The following FNDC3B variants were observed in gnomAD, a reference collection of about 807,000 sequenced individuals.
The protein encoded by FNDC3B is fibronectin type III domain containing 3B.
FNDC3B carries 12 observed loss-of-function variants against 151.5 expected under a neutral mutation model. The ratio of observed to expected loss-of-function variants is 0.08; its 90% CI spans 0.05 to 0.13. The LOEUF is 0.13. Ranked by LOEUF, FNDC3B falls within the 10% of genes least tolerant of loss-of-function variation. The pLI is 1.00. For synonymous variants in FNDC3B, 528 were observed against 549.0 expected (o/e 0.96, Z 0.54); for missense variants, 1,214 against 1,505.3 (o/e 0.81, Z 3.20).
chr3:172,115,086 A>G (rs568652436), intron 2 of FNDC3B, among the ~76,000 whole-genome samples: 7 of 152,324 alleles, frequency 4.6e-5, no homozygotes, highest in Admixed American at 4.6e-4. Flanking sequence ...TTGCCTCTAC[A>G]TCACTGGGGC....
At chr3:172,214,478 G>C (rs141312584) in intron 3 of FNDC3B, among the ~76,000 whole-genome samples, 225 of 152,230 alleles carry the variant, frequency 1.5e-3, no homozygotes, top group African/African-American at 5.3e-3. Flanking sequence ...CTGAAGTGAT[G>C]ATGAGTGAGT....
At chr3:172,115,786 G>A (rs1720217555) in intron 2 of FNDC3B, among the ~76,000 whole-genome samples, 1 of 152,162 alleles carries the variant, frequency 6.6e-6, no homozygotes, top group African/African-American at 2.4e-5. Flanking sequence ...TTCTGCCTCT[G>A]AATATCTGTT....
At chr3:172,343,973 T>TA (rs1362326697) in intron 18 of FNDC3B, 113 bp from the exon 19 acceptor site, 5 of 882,584 alleles carry the variant, frequency 5.7e-6, no homozygotes, top group Non-Finnish European at 8.9e-6. Context: ...GTAAGGGAGA[T>TA]ACTGAGGCCG....
intron 3 of FNDC3B, among the ~76,000 whole-genome samples, chr3:172,181,926 C>G (rs1046566038): frequency 6.6e-6 from 1 of 150,988 alleles, no homozygotes; most frequent in African/African-American, 2.4e-5. Flanking sequence ...GTTTCCCAGA[C>G]TGCTTGACAA....
chr3:172,107,076 A>G (rs1475431593), intron 1 of FNDC3B, among the ~76,000 whole-genome samples: 2 of 152,118 alleles, frequency 1.3e-5, no homozygotes, highest in Non-Finnish European at 2.9e-5. Flanking sequence ...CTAGAAGGTA[A>G]CCAGTGGCTT....
At chr3:172,228,704 A>G (rs1726718955) in intron 4 of FNDC3B, among the ~76,000 whole-genome samples, 1 of 152,236 alleles carries the variant, frequency 6.6e-6, no homozygotes, top group African/African-American at 2.4e-5. Context: ...ATGCTAGACA[A>G]TATTGGAAGA....
intron 9 of FNDC3B, among the ~76,000 whole-genome samples, chr3:172,300,866 C>T (rs1291003304): frequency 6.6e-6 from 1 of 152,202 alleles, no homozygotes; most frequent in Non-Finnish European, 1.5e-5. Context: ...AGTCTTTGTG[C>T]ACTGCCTAAT....
At position 172,133,521 on chromosome 3, in the gene FNDC3B, G is replaced by A; in HGVS notation, c.162G>A (p.Glu54=). The A allele has an allele frequency of 1.2e-6, 2 of 1,612,974 alleles. No homozygotes were observed. Among genetic ancestry groups the A allele is most frequent in the African/African-American group, 1.3e-5 (1 of 74,992 alleles). ...GTGAGACTTTCACAATAAGAGCAGA[G>A]GATGGAACACTTCAGTGCATTCAAG... ...NPGETFTIRA[E]DGTLQCIQGP... Residue 54 remains glutamate, a synonymous_variant, in exon 3 of 26, where the codon GAG becomes GAA. Transcript: ENST00000415807.
At chr3:172,056,155 T>C (rs1716909572) in intron 1 of FNDC3B, among the ~76,000 whole-genome samples, 1 of 152,062 alleles carries the variant, frequency 6.6e-6, no homozygotes, top group South Asian at 2.1e-4. Context: ...GTGAGTCCAA[T>C]AGAGGGAGGA....
In FNDC3B at chr3:172,119,031, G is replaced by C. The variant is rs145134673; in HGVS notation, c.111+6441G>C. Among the ~76,000 whole-genome samples the C allele has an allele frequency of 3.3e-3, 502 of 151,964 alleles. 2 individuals carry two copies. Among genetic ancestry groups the C allele is most frequent in the African/African-American group, 0.012 (486 of 41,446 alleles). ...AAAATACAAAAAAAATTAGCCAGGCGTGGTGGTGGGCGCCTGTAGTCCCAG... is the reference window on the plus strand; with the variant it reads ...AAAATACAAAAAAAATTAGCCAGGCCTGGTGGTGGGCGCCTGTAGTCCCAG... On this transcript the variant is annotated intron_variant, in intron 2 of 25. Coordinates refer to ENST00000415807, the MANE Select transcript of FNDC3B (RefSeq NM_022763.4).
intron 22 of FNDC3B, 76 bp downstream of exon 22, chr3:172,353,159 A>G: frequency 7.2e-7 from 1 of 1,385,756 alleles, no homozygotes; most frequent in Non-Finnish European, 9.9e-7. Flanking sequence ...GGGGAAAATG[A>G]CCAAGTGGAT....
chr3:172,113,522 A>G (rs560471593), intron 2 of FNDC3B, among the ~76,000 whole-genome samples: 38 of 152,292 alleles, frequency 2.5e-4, no homozygotes, highest in African/African-American at 6.5e-4. Flanking sequence ...GCATTGTACT[A>G]TCAACCTCTT....
chr3:172,202,766 C>T (rs1269311672), intron 3 of FNDC3B, among the ~76,000 whole-genome samples: 1 of 152,118 alleles, frequency 6.6e-6, no homozygotes, highest in Non-Finnish European at 1.5e-5. Context: ...GTCCATGACC[C>T]CTGGAAGAGA....
intron 3 of FNDC3B, among the ~76,000 whole-genome samples, chr3:172,216,998 A>T (rs1726012959): frequency 6.6e-6 from 1 of 152,166 alleles, no homozygotes; most frequent in Non-Finnish European, 1.5e-5. Context: ...GCTGAGATAC[A>T]CAGAAACCTC....
chr3:172,307,576 C>T lies in FNDC3B; in HGVS notation c.1200+75C>T, dbSNP rs940309937. 1.9e-5 allele frequency: 29 copies of T among 1,488,748 alleles called. No individual in the cohort carries two copies. In the Admixed American group the frequency reaches 3.5e-4, roughly 18 times the overall value. 92.2% of individuals were successfully genotyped at this position (1,488,748 alleles called of 1,614,324 possible). A position where few individuals can be genotyped will look rare whatever the true frequency, so the allele number is the denominator to read the frequency against. The stretch of plus-strand genomic sequence containing the variant: ...GTGTGGTGGCAACGTGTTCCTAGTC[C>T]CAGCTACCTGGGAGGCTGAGGAGGG... On this transcript the variant is annotated intron_variant, in intron 10 of 25. Transcript: ENST00000415807.
At chr3:172,083,403 T>G (rs1718379661) in intron 1 of FNDC3B, among the ~76,000 whole-genome samples, 1 of 152,202 alleles carries the variant, frequency 6.6e-6, no homozygotes, top group Non-Finnish European at 1.5e-5. Flanking sequence ...ATCTGCTGCT[T>G]TTATAGCATG....
chr3:172,144,456 C>T (rs1359696529), intron 3 of FNDC3B, among the ~76,000 whole-genome samples: 2 of 152,112 alleles, frequency 1.3e-5, no homozygotes, highest in South Asian at 2.1e-4. Flanking sequence ...GGCAGGCAGG[C>T]GTCGAGCCTG....
intron 11 of FNDC3B, among the ~76,000 whole-genome samples, chr3:172,324,442 A>G (rs1732241558): frequency 1.3e-5 from 2 of 152,166 alleles, no homozygotes; most frequent in African/African-American, 4.8e-5. Flanking sequence ...GCGAAGAGGA[A>G]CACTCAGCTT....
At chr3:172,366,634 A>C (rs1299345996) in intron 23 of FNDC3B, among the ~76,000 whole-genome samples, 1 of 152,234 alleles carries the variant, frequency 6.6e-6, no homozygotes, top group East Asian at 1.9e-4. Context: ...GGGTAATGGT[A>C]GAACACAGAT....
Sources: allele counts gnomAD v4.1 joint callset (sites outside exome capture counted in the v4.1 genomes callset), GRCh38; gene constraint gnomAD v4.1.1; transcripts MANE v1.5; gene names NCBI Gene and HGNC (gene_info 2026-07-23, HGNC 2026-07-21).